ACTR3C: variants seen among roughly 807,000 people sequenced by gnomAD.
The protein encoded by ACTR3C is actin related protein 3C, also known as actin-related protein 3C.
Under a neutral mutation model 26.3 loss-of-function variants are expected in ACTR3C, and 18 were observed. The observed-to-expected ratio is 0.68, with a 90% CI of 0.47 to 1.01. ACTR3C has a LOEUF of 1.01. Ranked by LOEUF, ACTR3C falls within the 50% of genes least tolerant of loss-of-function variation. ACTR3C has a pLI of 0.00. For missense variants in ACTR3C, 184 were observed against 250.7 expected, an observed-to-expected ratio of 0.73 and a Z score of 1.80; for synonymous variants, 55 against 94.5, an observed-to-expected ratio of 0.58 and a Z score of 2.42.
the ACTR3C span, among the ~76,000 whole-genome samples, chr7:150,158,930 T>C: frequency 7.0e-6 from 1 of 143,260 alleles, no homozygotes; most frequent in Non-Finnish European, 1.5e-5. Context: ...CACACACATG[T>C]GCGCAGACAC....
the ACTR3C span, chr7:150,073,792 C>T: frequency 2.6e-5 from 4 of 151,846 alleles, no homozygotes; most frequent in Non-Finnish European, 5.9e-5. Context: ...TAGAATATTA[C>T]CGAATTCATT....
the ACTR3C span, among the ~76,000 whole-genome samples, chr7:149,977,832 C>A: frequency 7.9e-5 from 12 of 152,084 alleles, no homozygotes; most frequent in Non-Finnish European, 1.6e-4. Flanking sequence ...CTGGTTGTAT[C>A]ACCTGAGATG....
At chr7:149,899,684 C>T in the ACTR3C span, among the ~76,000 whole-genome samples, 5 of 149,320 alleles carry the variant, frequency 3.3e-5, no homozygotes, top group African/African-American at 1.2e-4. Context: ...TTACAATTCC[C>T]AGAAGGAAAA....
At chr7:150,316,735 C>T (rs1232375227) in intron 1 of ACTR3C, among the ~76,000 whole-genome samples, 2 of 152,110 alleles carry the variant, frequency 1.3e-5, no homozygotes, top group African/African-American at 4.8e-5. Context: ...CTGCCCACTT[C>T]GGCCTTCCGA....
the ACTR3C span, among the ~76,000 whole-genome samples, chr7:149,956,294 C>T: frequency 9.2e-5 from 14 of 152,124 alleles, no homozygotes; most frequent in South Asian, 6.2e-4. Context: ...CAGTGTTTCA[C>T]GCCTGTAATC....
the ACTR3C span, among the ~76,000 whole-genome samples, chr7:149,949,201 T>TAC: frequency 4.4e-4 from 64 of 144,306 alleles, 8 homozygotes; most frequent in East Asian, 2.0e-3. Context: ...TATACATATA[T>TAC]ACACACACAC....
the ACTR3C span, among the ~76,000 whole-genome samples, chr7:150,193,678 G>A: frequency 6.6e-6 from 1 of 151,366 alleles, no homozygotes; most frequent in Non-Finnish European, 1.5e-5. Flanking sequence ...TGACATGCAG[G>A]TTATTTAGAA....
Position 150,289,454 on chromosome 7 carries a change from A to T in ACTR3C, c.293T>A (p.Ile98Asn). Residue 98 changes from isoleucine (I) to asparagine (N), a missense_variant, in exon 4 of 8, where the codon ATT (isoleucine) becomes AAT (asparagine). Ile to Asn is a moderately radical substitution (Grantham distance 149). Transcript: ENST00000683684. ...CGGTTTCCCATCTGTTTTTACCTTA[A>T]TGGCTTTTGCGGTCTCCAGTGACTG... ...PEQSLETAKA[I>N]KEKYCYICPD... 6.3e-7 allele frequency: 1 copy of T among 1,578,208 alleles called. No individual in the cohort carries two copies. Among genetic ancestry groups the T allele is most frequent in the Non-Finnish European group, 8.6e-7 (1 of 1,165,188 alleles).
intron 2 of ACTR3C, among the ~76,000 whole-genome samples, chr7:150,294,605 G>A (rs533026317): frequency 3.9e-5 from 6 of 152,328 alleles, no homozygotes; most frequent in South Asian, 2.1e-4. Flanking sequence ...GAATCAGCCC[G>A]AGAAAGCTGC....
chr7:149,895,977 TGC>T, the ACTR3C span, among the ~76,000 whole-genome samples: 1 of 147,214 alleles, frequency 6.8e-6, no homozygotes, highest in South Asian at 2.1e-4. Context: ...ACAGGCAGAT[TGC>T]TTAAGTCTGG....
the ACTR3C span, among the ~76,000 whole-genome samples, chr7:150,023,338 C>CATACATACATACATACATACATAG: frequency 1.7e-4 from 8 of 46,080 alleles, no homozygotes; most frequent in East Asian, 3.2e-3. Context: ...TACATACATA[C>CATACATACATACATACATACATAG]ATATATATTT....
At chr7:150,311,001 C>T (rs1796275138) in intron 1 of ACTR3C, among the ~76,000 whole-genome samples, 1 of 152,106 alleles carries the variant, frequency 6.6e-6, no homozygotes, top group Admixed American at 6.6e-5. Context: ...GTTAATCTCC[C>T]AGGCCCCTAT....
chr7:150,096,517 A>G, the ACTR3C span, among the ~76,000 whole-genome samples: 1 of 151,630 alleles, frequency 6.6e-6, no homozygotes, highest in Non-Finnish European at 1.5e-5. Context: ...TATGGAAAGA[A>G]AAACATTGAC....
chr7:150,000,970 G>C, the ACTR3C span: 1 of 151,996 alleles, frequency 6.6e-6, no homozygotes, highest in Admixed American at 6.6e-5. Context: ...CTGTGCTATC[G>C]AGCACAGCCC....
the ACTR3C span, among the ~76,000 whole-genome samples, chr7:150,037,362 C>T: frequency 3.4e-5 from 2 of 59,562 alleles, no homozygotes; most frequent in South Asian, 1.0e-3. Context: ...CTCTCAGTCC[C>T]CGCCTCGCGG....
chr7:150,137,693 T>A, the ACTR3C span, among the ~76,000 whole-genome samples: 1 of 152,150 alleles, frequency 6.6e-6, no homozygotes, highest in Non-Finnish European at 1.5e-5. Flanking sequence ...AACAGTTAAT[T>A]TAGTCTTCGT....
At chr7:150,236,133 A>G in the ACTR3C span, among the ~76,000 whole-genome samples, 9,061 of 152,288 alleles carry the variant, frequency 0.059, 495 homozygotes, top group African/African-American at 0.14. Flanking sequence ...TTTTAATGCA[A>G]CTAAAATGTT....
At chr7:150,033,268 A>AC in the ACTR3C span, among the ~76,000 whole-genome samples, 3 of 152,008 alleles carry the variant, frequency 2.0e-5, no homozygotes, top group South Asian at 6.2e-4. Flanking sequence ...AAGCTCCTGG[A>AC]CCCTTTTCTT....
the ACTR3C span, among the ~76,000 whole-genome samples, chr7:149,940,221 C>T: frequency 6.6e-6 from 1 of 152,080 alleles, no homozygotes; most frequent in Non-Finnish European, 1.5e-5. Flanking sequence ...GTTTGGTCAA[C>T]TTGTTAAGAG....
Sources: allele counts gnomAD v4.1 joint callset (sites outside exome capture counted in the v4.1 genomes callset), GRCh38; gene constraint gnomAD v4.1.1; transcripts MANE v1.5; gene names NCBI Gene and HGNC (gene_info 2026-07-23, HGNC 2026-07-21).